PHF20: variants seen among roughly 807,000 people sequenced by gnomAD.
PHF20 encodes the protein PHD finger protein 20, also known as glioma-expressed antigen 2.
In PHF20, 23 loss-of-function variants were observed where a neutral mutation model predicts 113.5. The observed-to-expected ratio is 0.20, with a 90% CI of 0.15 to 0.29. The LOEUF is 0.29. Among genes scored for constraint, PHF20 ranks in the 10% least tolerant of loss-of-function variants. The pLI is 1.00. For synonymous variants in PHF20, 434 were observed against 457.3 expected (o/e 0.95, Z 0.65); for missense variants, 943 against 1,219.6 (o/e 0.77, Z 3.38).
At chr20:35,861,532 A>G (rs1418307432) in intron 5 of PHF20, among the ~76,000 whole-genome samples, 1 of 152,198 alleles carries the variant, frequency 6.6e-6, no homozygotes, top group East Asian at 1.9e-4. Context: ...TGTAATATGT[A>G]TGTAACTACT....
chr20:35,797,700 G>A (rs1325935452), intron 1 of PHF20, among the ~76,000 whole-genome samples: 2 of 140,686 alleles, frequency 1.4e-5, no homozygotes, highest in Non-Finnish European at 3.1e-5. Context: ...CACCCAGACT[G>A]GTTTGCAGTG....
At chr20:35,824,976 A>G (rs1337980617) in intron 2 of PHF20, among the ~76,000 whole-genome samples, 1 of 152,112 alleles carries the variant, frequency 6.6e-6, no homozygotes, top group African/African-American at 2.4e-5. Flanking sequence ...TTGTTTTCCC[A>G]TTCATCAGTT....
chr20:35,828,674 G>T (rs2042304777), intron 2 of PHF20, among the ~76,000 whole-genome samples: 1 of 152,196 alleles, frequency 6.6e-6, no homozygotes, highest in Non-Finnish European at 1.5e-5. Flanking sequence ...TGCACATGGA[G>T]TCATGCCAGC....
intron 12 of PHF20, 159 bp from the exon 13 acceptor site, chr20:35,917,325 T>TGACAGATCCAAG: frequency 1.3e-6 from 1 of 741,522 alleles, no homozygotes; most frequent in Non-Finnish European, 2.4e-6. Context: ...TGTTACTAAA[T>TGACAGATCCAAG]GACAGATCCA....
chr20:35,898,001 G>T (rs577636240), intron 9 of PHF20, among the ~76,000 whole-genome samples: 1 of 151,966 alleles, frequency 6.6e-6, no homozygotes, highest in Non-Finnish European at 1.5e-5. Context: ...TCAACCTCCC[G>T]AGTAGCTGGG....
chr20:35,931,179 T>A, intron 14 of PHF20, 70 bp from the exon 15 acceptor site: 2 of 1,022,306 alleles, frequency 2.0e-6, no homozygotes, highest in Non-Finnish European at 3.0e-6. Flanking sequence ...ATGATAATTG[T>A]GTGAGAGTGA....
At chr20:35,818,223 C>T (rs1019425930) in intron 2 of PHF20, among the ~76,000 whole-genome samples, 20 of 151,888 alleles carry the variant, frequency 1.3e-4, no homozygotes, top group African/African-American at 3.4e-4. Context: ...TGTAGTGAGC[C>T]GAAATTGCGA....
chr20:35,916,794 C>T (rs868205242), intron 12 of PHF20, among the ~76,000 whole-genome samples: 5 of 152,274 alleles, frequency 3.3e-5, no homozygotes, highest in Middle Eastern at 3.4e-3. Flanking sequence ...CAAAGTCTCA[C>T]GCTGTCACCC....
chr20:35,858,920 G>A (rs1373610821), intron 5 of PHF20, among the ~76,000 whole-genome samples: 1 of 152,030 alleles, frequency 6.6e-6, no homozygotes, highest in Non-Finnish European at 1.5e-5. Flanking sequence ...CCAAATGCTT[G>A]GATACCATTG....
At chr20:35,817,082 G>A (rs557037133) in intron 2 of PHF20, among the ~76,000 whole-genome samples, 2 of 151,670 alleles carry the variant, frequency 1.3e-5, no homozygotes, top group Non-Finnish European at 2.9e-5. Context: ...GAGCCACTGC[G>A]CCTGGCCATA....
intron 1 of PHF20, among the ~76,000 whole-genome samples, chr20:35,781,806 G>C (rs575616885): frequency 6.6e-6 from 1 of 152,270 alleles, no homozygotes; most frequent in African/African-American, 2.4e-5. Flanking sequence ...TTAGCTGGGC[G>C]TGGTAGCACA....
At chr20:35,833,524 G>GT (rs2042388591) in intron 2 of PHF20, among the ~76,000 whole-genome samples, 1 of 152,012 alleles carries the variant, frequency 6.6e-6, no homozygotes, top group East Asian at 1.9e-4. Flanking sequence ...ATTCATCTTG[G>GT]TTTGTTTATA....
intron 4 of PHF20, chr20:35,849,274 G>T: frequency 2.8e-6 from 1 of 360,668 alleles, no homozygotes. Context: ...CAGAGATGAA[G>T]ATAATTAATG....
chr20:35,793,507 C>A (rs2041599813), intron 1 of PHF20, among the ~76,000 whole-genome samples: 2 of 150,808 alleles, frequency 1.3e-5, no homozygotes, highest in Non-Finnish European at 3.0e-5. Context: ...ACCATATTGG[C>A]CAGGCTGGTC....
At chr20:35,881,048 CTTTT>C (rs773060725) in intron 9 of PHF20, among the ~76,000 whole-genome samples, 1 of 109,754 alleles carries the variant, frequency 9.1e-6, no homozygotes, top group African/African-American at 3.9e-5. Context: ...CTCTAAATAC[CTTTT>C]TTTTTTTTTT....
At chr20:35,797,500 T>C (rs967135355) in intron 1 of PHF20, among the ~76,000 whole-genome samples, 3 of 141,220 alleles carry the variant, frequency 2.1e-5, no homozygotes, top group Non-Finnish European at 3.1e-5. Flanking sequence ...GGCGACAGAG[T>C]GAGACCCTGT....
chr20:35,837,588 A>C (rs1439693013), intron 2 of PHF20, among the ~76,000 whole-genome samples: 1 of 152,248 alleles, frequency 6.6e-6, no homozygotes, highest in African/African-American at 2.4e-5. Flanking sequence ...AACCAGATAA[A>C]ATTGCTATTT....
intron 15 of PHF20, 53 bp from the exon 16 acceptor site, chr20:35,938,644 C>T: frequency 2.6e-6 from 4 of 1,523,810 alleles, no homozygotes; most frequent in Non-Finnish European, 2.6e-6. Flanking sequence ...TTGAGAACCC[C>T]TGCAATGGTG....
intron 2 of PHF20, among the ~76,000 whole-genome samples, chr20:35,822,271 A>C (rs2042181970): frequency 6.6e-6 from 1 of 152,046 alleles, no homozygotes; most frequent in African/African-American, 2.4e-5. Context: ...CAAGAAACCT[A>C]GCTGGGCATG....
Sources: gnomAD v4.1 joint callset for allele counts (sites outside exome capture counted in the v4.1 genomes callset) on GRCh38, gnomAD v4.1.1 for gene constraint, MANE v1.5 for transcripts, NCBI Gene and HGNC (gene_info 2026-07-23, HGNC 2026-07-21) for gene names.